The following CUL4B variants were observed in gnomAD, a reference collection of about 807,000 sequenced individuals.
CUL4B encodes cullin 4B.
A neutral mutation model predicts 69.2 loss-of-function variants in CUL4B; 1 was observed. The observed-to-expected ratio is 0.01, with a 90% CI of 0.01 to 0.07. The LOEUF (loss-of-function observed/expected upper bound fraction) is 0.07, where lower values mean the gene tolerates loss of function less well. CUL4B is among the 10% of genes least tolerant of loss of function. The pLI is 1.00. For synonymous variants in CUL4B, 237 were observed against 223.2 expected, an observed-to-expected ratio of 1.06 and a Z score of -0.55; for missense variants, 328 against 638.8, an observed-to-expected ratio of 0.51 and a Z score of 5.24.
rs186420543 is a variant in CUL4B, at chrX:120,572,894, T to C, written c.68-894A>G. ...TGCTGGACTGACAATTTCCTTTGTT[T>C]CTTTTTTCAACTATTAGTGTTTTGG... On this transcript the variant is annotated intron_variant, in intron 2 of 2. Transcript: ENST00000486604. 2.7e-5 allele frequency among the ~76,000 whole-genome samples: 3 copies of C among 111,839 alleles called. No homozygotes were observed. The Admixed American group carries it at 2.9e-4, about 11-fold the overall frequency.
chrX:120,547,204 T>C lies in CUL4B; in HGVS notation c.708A>G (p.Ala236=), dbSNP rs1358359776. The change falls in exon 3 of 20, where the codon GCA becomes GCG. Residue 236 remains alanine (A), a synonymous_variant. Transcript: ENST00000371322. ...VENLCSYKIS[A]NLYKQLRQIC... Reference sequence around the variant, plus strand: ...TCTGTCTCAGCTGTTTGTACAAGTTTGCAGAAATCTTGTAAGAACAGAGAT... The same window carrying C: ...TCTGTCTCAGCTGTTTGTACAAGTTCGCAGAAATCTTGTAAGAACAGAGAT... The C allele has an allele frequency of 1.7e-6, 2 of 1,202,259 alleles. No individual in the cohort carries two copies. Among genetic ancestry groups the C allele is most frequent in the African/African-American group, 1.7e-5 (1 of 57,219 alleles).
chrX:120,538,802 TTCC>T (rs1450888909), intron 12 of CUL4B, 32 bp from the exon 13 acceptor site: 2 of 991,224 alleles, frequency 2.0e-6, no homozygotes, highest in Non-Finnish European at 2.9e-6. Flanking sequence ...ATTTATAATA[TTCC>T]AATAAAAAGT....
At chrX:120,540,649 A>G in intron 10 of CUL4B, 87 bp from the exon 11 acceptor site, 3 of 658,343 alleles carry the variant, frequency 4.6e-6, no homozygotes, top group Middle Eastern at 4.8e-4. Flanking sequence ...TGGCATATAT[A>G]TTTAAAGATC....
intron 1 of CUL4B, among the ~76,000 whole-genome samples, chrX:120,559,493 C>T (rs1925160160): frequency 8.9e-6 from 1 of 112,328 alleles, no homozygotes; most frequent in Middle Eastern, 4.6e-3. Context: ...CACAGAGTTA[C>T]TACTTCTGTG....
chrX:120,534,066 G>A lies in CUL4B; in HGVS notation c.2266+415C>T, dbSNP rs1341938633. ...GGGTGACAGAGCAAGATTCCGTCTT[G>A]AGGGGAAAAAAAAAGAGTTCTGGCT... On this transcript the variant is annotated intron_variant, in intron 17 of 19. Coordinates refer to ENST00000371322, the MANE Select transcript of CUL4B (RefSeq NM_001079872.2). 2.8e-5 allele frequency among the ~76,000 whole-genome samples: 3 copies of A among 107,509 alleles called. No homozygotes were observed. The Admixed American group carries it at 3.0e-4, about 11-fold the overall frequency. The allele number at this position is 107,509 out of a possible 115,157, so 93.4% of individuals were successfully genotyped here.
upstream of CUL4B, among the ~76,000 whole-genome samples, chrX:120,564,159 C>T (rs781564283): frequency 1.1e-4 from 12 of 110,645 alleles, no homozygotes; most frequent in Non-Finnish European, 2.1e-4. Flanking sequence ...AAAAATGAGC[C>T]GGACATGGTG....
downstream of CUL4B, among the ~76,000 whole-genome samples, chrX:120,566,842 TA>T (rs1371482242): frequency 1.8e-5 from 2 of 111,458 alleles, no homozygotes; most frequent in African/African-American, 6.5e-5. Flanking sequence ...ATTTAAGGAC[TA>T]AAAGTTAGAG....
At chrX:120,533,249 G>C (rs1219284865) in intron 17 of CUL4B, among the ~76,000 whole-genome samples, 1 of 111,797 alleles carries the variant, frequency 8.9e-6, no homozygotes, top group Admixed American at 9.5e-5. Flanking sequence ...TCTACTTTAT[G>C]CCTGAATCAT....
At chrX:120,552,088 TTATG>T (rs1241979031) in intron 2 of CUL4B, among the ~76,000 whole-genome samples, 1 of 112,540 alleles carries the variant, frequency 8.9e-6, no homozygotes, top group Non-Finnish European at 1.9e-5. Context: ...TATTTAAATA[TTATG>T]TATTATTTAT....
chrX:120,560,960 T>C lies in CUL4B; in HGVS notation c.-322A>G, dbSNP rs763954965. The C allele has an allele frequency of 2.7e-6, 2 of 749,561 alleles. No homozygotes were observed. Among genetic ancestry groups the C allele is most frequent in the Admixed American group, 8.9e-5 (1 of 11,253 alleles). The allele number at this position is 749,561 out of a possible 1,213,427, so 61.8% of individuals were successfully genotyped here. A position where few individuals can be genotyped will look rare whatever the true frequency, so the allele number is the denominator to read the frequency against. On this transcript the variant is annotated 5_prime_UTR_variant, in exon 1 of 20. Transcript: ENST00000371322. ...CTTTCTGCAGGAGCGACTCAGCGAG[T>C]CTGTGAGGCTGCAGCTCCTCCTCCT...
Position 120,560,592 on chromosome X carries a change from G to A in CUL4B, c.47C>T (p.Ala16Val). 8.3e-7 allele frequency: 1 copy of A among 1,208,384 alleles called. No homozygotes were observed. Among genetic ancestry groups the A allele is most frequent in the Non-Finnish European group, 1.1e-6 (1 of 894,851 alleles). The stretch of plus-strand genomic sequence containing the variant: ...AGTGGCAGATCTGACCTCCTGAGCA[G>A]CAGCAGCAGCTGAGGGACTGGGGGA... ...FSSPSPSAAA[A>V]AQEVRSATDG... Residue 16 changes from alanine (A) to valine (V), a missense_variant, in exon 1 of 20, where the codon GCT (alanine) becomes GTT (valine). Around this residue, in one of 4 missense-constraint regions of CUL4B, gnomAD observed 102 missense variants for 122.1 expected, o/e 0.84. Transcript: ENST00000371322.
Position 120,532,357 on chromosome X carries a change from T to C in CUL4B, c.2439+65A>G, listed in dbSNP as rs1923369194. On this transcript the variant is annotated intron_variant, in intron 18 of 19. Transcript: ENST00000371322. ...AGTATTACAGGTATAAAAATCTTTA[T>C]ATATTTTGATTATTAACATGTATAA... 3.4e-6 allele frequency: 3 copies of C among 885,549 alleles called. No individual in the cohort carries two copies. The African/African-American group carries it at 5.9e-5, about 18-fold the overall frequency. The allele number at this position is 885,549 out of a possible 1,213,427, so 73.0% of individuals were successfully genotyped here. A position where few individuals can be genotyped will look rare whatever the true frequency, so the allele number is the denominator to read the frequency against.
At chrX:120,555,826 C>T (rs1265291743) in intron 2 of CUL4B, among the ~76,000 whole-genome samples, 1 of 107,340 alleles carries the variant, frequency 9.3e-6, no homozygotes, top group Non-Finnish European at 1.9e-5. Context: ...CCTGTAATTC[C>T]ACCTACTTGG....
chrX:120,535,709 A>G, intron 16 of CUL4B, 121 bp downstream of exon 16: 1 of 321,488 alleles, frequency 3.1e-6, no homozygotes. Context: ...TGTCTCAAAA[A>G]AAAAAAAAAA....
intron 2 of CUL4B, among the ~76,000 whole-genome samples, chrX:120,556,035 G>A (rs1476988650): frequency 9.2e-6 from 1 of 108,615 alleles, no homozygotes; most frequent in Non-Finnish European, 1.9e-5. Flanking sequence ...AATACGAGAT[G>A]AATCCCCTTT....
chrX:120,559,966 T>C lies in CUL4B; in HGVS notation c.556+117A>G. ...AAGGACCTCCCCTCCACCTCATTGA[T>C]TATGCATAAAACATTAGGCCACCTC... On this transcript the variant is annotated intron_variant, in intron 1 of 19. Coordinates refer to ENST00000371322, the MANE Select transcript of CUL4B (RefSeq NM_001079872.2). 7.6e-6 allele frequency: 9 copies of C among 1,181,250 alleles called. No individual in the cohort carries two copies. The South Asian group carries it at 1.7e-4, about 23-fold the overall frequency.
chrX:120,547,064 G>A, intron 3 of CUL4B, 72 bp downstream of exon 3: 1 of 687,714 alleles, frequency 1.5e-6, no homozygotes, highest in Non-Finnish European at 2.4e-6. Flanking sequence ...CTTCAAGCTG[G>A]GTTAAACAGT....
At chrX:120,574,366 A>G (rs1182583709) in intron 2 of CUL4B, among the ~76,000 whole-genome samples, 1 of 107,604 alleles carries the variant, frequency 9.3e-6, no homozygotes, top group East Asian at 3.0e-4. Flanking sequence ...GCCCACAACC[A>G]CGCCCGGCTA....
At position 120,543,527 on chromosome X, in the gene CUL4B, CA is replaced by C. The variant is rs1431518378; in HGVS notation, c.1256+199del. Among the ~76,000 whole-genome samples the C allele has an allele frequency of 0.018, 1,942 of 107,549 alleles. 41 individuals are homozygous for C. Among genetic ancestry groups the C allele is most frequent in the African/African-American group, 0.056 (1,633 of 29,205 alleles). 93.4% of individuals were successfully genotyped at this position (107,549 alleles called of 115,157 possible). A position where few individuals can be genotyped will look rare whatever the true frequency, so the allele number is the denominator to read the frequency against. On this transcript the variant is annotated intron_variant, in intron 8 of 19. Coordinates refer to ENST00000371322, the MANE Select transcript of CUL4B (RefSeq NM_001079872.2). ...ACACACACACACACACACACACACA[CA>C]CACACCCCTAATAATCGAATCCTTG...
Sources: gnomAD v4.1 joint callset for allele counts (sites outside exome capture counted in the v4.1 genomes callset) on GRCh38, gnomAD v4.1.1 for gene constraint, gnomAD v4.1.1 regional missense constraint, MANE v1.5 for transcripts, NCBI Gene and HGNC (gene_info 2026-07-23, HGNC 2026-07-21) for gene names.